Variants in UTRN observed in about 807,000 individuals in gnomAD.
UTRN encodes utrophin.
In UTRN, 283 loss-of-function variants were observed where a neutral mutation model predicts 463.9. That is an observed-to-expected ratio of 0.61 (90% CI 0.55 to 0.67). The LOEUF (loss-of-function observed/expected upper bound fraction) is 0.67, where lower values mean the gene tolerates loss of function less well. Among genes scored for constraint, UTRN ranks in the 30% least tolerant of loss-of-function variants. The pLI, the probability that UTRN is intolerant of heterozygous loss-of-function variation, is 0.00. For missense variants in UTRN, 3,922 were observed against 4,084.3 expected, an observed-to-expected ratio of 0.96 and a Z score of 1.08; for synonymous variants, 1,442 against 1,431.5, an observed-to-expected ratio of 1.01 and a Z score of -0.17.
At chr6:144,684,979 A>G (rs1420135724) in intron 52 of UTRN, among the ~76,000 whole-genome samples, 1 of 152,170 alleles carries the variant, frequency 6.6e-6, no homozygotes. Flanking sequence ...TGAGTACTGT[A>G]CATTGTACCC....
intron 65 of UTRN, among the ~76,000 whole-genome samples, chr6:144,814,277 T>G (rs1264818225): frequency 2.0e-5 from 3 of 152,164 alleles, no homozygotes; most frequent in Non-Finnish European, 4.4e-5. Context: ...AAGACGGCTG[T>G]GTATGACCCA....
chr6:144,316,224 G>T (rs1330122045), intron 2 of UTRN, among the ~76,000 whole-genome samples: 1 of 152,162 alleles, frequency 6.6e-6, no homozygotes, highest in African/African-American at 2.4e-5. Context: ...CAAAACAACG[G>T]ATAGACTGAT....
intron 51 of UTRN, among the ~76,000 whole-genome samples, chr6:144,621,934 C>T (rs970475169): frequency 2.7e-5 from 4 of 150,910 alleles, no homozygotes; most frequent in Admixed American, 2.6e-4. Context: ...CTTTTTCTTC[C>T]TTCTCTCTCC....
chr6:144,369,633 G>A (rs73594937), intron 2 of UTRN, among the ~76,000 whole-genome samples: 20,358 of 152,142 alleles, frequency 0.13, 4,106 homozygotes, highest in African/African-American at 0.43. Context: ...AAACAAAACA[G>A]AAAACAAATT....
intron 40 of UTRN, 127 bp from the exon 41 acceptor site, chr6:144,522,889 G>T: frequency 3.7e-6 from 3 of 811,842 alleles, no homozygotes; most frequent in South Asian, 5.1e-5. Context: ...CAGTTTTCAT[G>T]ATTAACAATG....
At chr6:144,732,241 T>TATATATATATATATATATATATAC (rs1562832431) in intron 54 of UTRN, among the ~76,000 whole-genome samples, 21 of 23,904 alleles carry the variant, frequency 8.8e-4, no homozygotes, top group South Asian at 6.9e-3. Flanking sequence ...TATATATACA[T>TATATATATATATATATATATATAC]ATATATATAT....
At chr6:144,413,112 G>A (rs1029774658) in intron 3 of UTRN, among the ~76,000 whole-genome samples, 6 of 152,084 alleles carry the variant, frequency 3.9e-5, no homozygotes, top group African/African-American at 1.2e-4. Flanking sequence ...TCACCTTAAC[G>A]TGTTTGCCAT....
intron 52 of UTRN, among the ~76,000 whole-genome samples, chr6:144,688,590 C>G (rs1026268710): frequency 1.7e-4 from 25 of 150,892 alleles, no homozygotes; most frequent in African/African-American, 5.9e-4. Context: ...TTTAATGACT[C>G]TAGTTTATTG....
chr6:144,660,762 C>T (rs1779794286), intron 51 of UTRN, among the ~76,000 whole-genome samples: 1 of 152,154 alleles, frequency 6.6e-6, no homozygotes, highest in Admixed American at 6.5e-5. Flanking sequence ...GAAGTCGCTT[C>T]ACAGTGACAG....
Position 144,824,766 on chromosome 6 carries a change from TTGG to T in UTRN, c.9495-2575_9495-2573del, listed in dbSNP as rs1484633638. 7.7e-4 allele frequency among the ~76,000 whole-genome samples: 99 copies of T among 128,470 alleles called. 3 individuals carry two copies. Among genetic ancestry groups the T allele is most frequent in the East Asian group, 4.6e-3 (18 of 3,938 alleles). The allele number at this position is 128,470 out of a possible 152,430, so 84.3% of individuals were successfully genotyped here. The stretch of plus-strand genomic sequence containing the variant: ...GGAAATTCCTAGGCAGTATGTGAAG[TTGG>T]TGGTGGGGGGGGGTGTCCCCCCAGC... On this transcript the variant is annotated intron_variant, in intron 66 of 74. Transcript: ENST00000367545.
At chr6:144,327,071 C>T (rs1776020088) in intron 2 of UTRN, among the ~76,000 whole-genome samples, 1 of 151,964 alleles carries the variant, frequency 6.6e-6, no homozygotes, top group African/African-American at 2.4e-5. Context: ...CTGTGTGAAG[C>T]CGAGGGGGTT....
intron 65 of UTRN, among the ~76,000 whole-genome samples, chr6:144,807,819 C>T (rs929852732): frequency 6.6e-6 from 1 of 152,078 alleles, no homozygotes; most frequent in African/African-American, 2.4e-5. Flanking sequence ...TCCTTGAGGA[C>T]TGGGATGACT....
At chr6:144,506,193 ATGGGTCTTGGC>A (rs1794679863) in intron 34 of UTRN, among the ~76,000 whole-genome samples, 1 of 151,582 alleles carries the variant, frequency 6.6e-6, no homozygotes, top group Non-Finnish European at 1.5e-5. Flanking sequence ...CAGCACACGG[ATGGGTCTTGGC>A]TGTTTATCCA....
chr6:144,613,106 A>G (rs1805701578), intron 51 of UTRN, among the ~76,000 whole-genome samples: 1 of 152,112 alleles, frequency 6.6e-6, no homozygotes, highest in South Asian at 2.1e-4. Context: ...AGTCCTTTGT[A>G]AAGAATGATA....
chr6:144,559,248 T>C (rs1309680958), intron 50 of UTRN, among the ~76,000 whole-genome samples: 1 of 152,142 alleles, frequency 6.6e-6, no homozygotes, highest in Non-Finnish European at 1.5e-5. Context: ...ATTACAATGT[T>C]CCAGTTTCTT....
chr6:144,511,452 C>A (rs1795159839), intron 35 of UTRN, among the ~76,000 whole-genome samples: 1 of 152,088 alleles, frequency 6.6e-6, no homozygotes, highest in Non-Finnish European at 1.5e-5. Flanking sequence ...ATAAAATCTT[C>A]ATAGTGTTTG....
chr6:144,474,614 A>G lies in UTRN; in HGVS notation c.3191A>G (p.Asn1064Ser). The stretch of plus-strand genomic sequence containing the variant: ...CTTTTATGTGTTTAGGCATTTGTTA[A>G]TGAAATAGAAACAATTGAATCATCT... ...RQLDQCSAFV[N>S]EIETIESSLK... Residue 1064 changes from asparagine (N) to serine (S), a missense_variant, in exon 25 of 75, where the codon AAT becomes AGT. By Grantham distance (46) the Asn-to-Ser change is conservative (BLOSUM62 1). This residue lies in a region of UTRN where 2,349 missense variants were observed against 2,303.8 expected (regional missense o/e 1.02). Coordinates refer to ENST00000367545, the MANE Select transcript of UTRN (RefSeq NM_007124.3). 6.2e-7 allele frequency: 1 copy of G among 1,612,520 alleles called. No individual in the cohort carries two copies. The highest frequency in any genetic ancestry group is 8.5e-7 in the Non-Finnish European group (1 of 1,179,428).
chr6:144,468,566 T>G lies in UTRN; in HGVS notation c.3067-5154T>G, dbSNP rs868858369. Among the ~76,000 whole-genome samples the G allele has an allele frequency of 2.0e-5, 3 of 151,800 alleles. No homozygotes were observed. The South Asian group carries it at 6.2e-4, about 31-fold the overall frequency. On this transcript the variant is annotated intron_variant, in intron 23 of 74. Transcript: ENST00000367545. ...ACAGTTTTTATATTTCGTTTTGGTT[T>G]GTAAGAACTGAAGTCCCTTAAAGAA...
chr6:144,501,769 A>G, intron 34 of UTRN, among the ~76,000 whole-genome samples: 1 of 152,200 alleles, frequency 6.6e-6, no homozygotes, highest in East Asian at 1.9e-4. Context: ...CCCTAAAAGT[A>G]TTGATCAAGG....
Sources: gnomAD v4.1 joint callset for allele counts (sites outside exome capture counted in the v4.1 genomes callset) on GRCh38, gnomAD v4.1.1 for gene constraint, gnomAD v4.1.1 regional missense constraint, MANE v1.5 for transcripts, NCBI Gene and HGNC (gene_info 2026-07-23, HGNC 2026-07-21) for gene names.